RARB: variants seen among roughly 807,000 people sequenced by gnomAD.
RARB encodes HBV-activated protein.
In RARB, 17 loss-of-function variants were observed where a neutral mutation model predicts 51.9. The ratio of observed to expected loss-of-function variants is 0.33; its 90% CI spans 0.22 to 0.49. RARB has a LOEUF of 0.49. Ranked by LOEUF, RARB falls within the 20% of genes least tolerant of loss-of-function variation. RARB has a pLI of 0.99. For synonymous variants in RARB, 215 were observed against 195.4 expected (o/e 1.10, Z -0.84); for missense variants, 369 against 550.8 (o/e 0.67, Z 3.30).
At chr3:25,367,720 G>T (rs1351782) in intron 5 of RARB, among the ~76,000 whole-genome samples, 1 of 149,480 alleles carries the variant, frequency 6.7e-6, no homozygotes, top group African/African-American at 2.5e-5. Flanking sequence ...CAGCTACCTG[G>T]AGGGCTGGGG....
intron 5 of RARB, among the ~76,000 whole-genome samples, chr3:25,281,653 G>C (rs572978315): frequency 1.6e-4 from 25 of 152,218 alleles, no homozygotes; most frequent in Non-Finnish European, 3.4e-4. Flanking sequence ...TATTGTAGGC[G>C]TTGGGTGGTT....
intron 2 of RARB, among the ~76,000 whole-genome samples, chr3:24,880,016 TAAAC>T (rs1703128363): frequency 6.6e-6 from 1 of 152,186 alleles, no homozygotes; most frequent in African/African-American, 2.4e-5. Context: ...GTCAAAGACA[TAAAC>T]AAGATAAGGA....
chr3:25,106,473 G>GTTTTTGTTTTTGTTTTTTT lies in RARB; in HGVS notation c.-327-25683_-327-25682insGTTTTTGTTTTTTTTTTTT, dbSNP rs1559468602. On this transcript the variant is annotated intron_variant, in intron 3 of 11. Coordinates refer to the RARB transcript ENST00000383772. ...TTTGTTTTTTGTTTTTTTTTGTTTT[G>GTTTTTGTTTTTGTTTTTTT]TTTTTTTTTTGTAGAGACAGGGTTT... Among the ~76,000 whole-genome samples the GTTTTTGTTTTTGTTTTTTT allele has an allele frequency of 5.2e-4, 58 of 111,684 alleles. 1 individual carries two copies. Among genetic ancestry groups the GTTTTTGTTTTTGTTTTTTT allele is most frequent in the African/African-American group, 2.0e-3 (53 of 26,998 alleles). 73.3% of individuals were successfully genotyped at this position (111,684 alleles called of 152,430 possible). A position where few individuals can be genotyped will look rare whatever the true frequency, so the allele number is the denominator to read the frequency against.
intron 4 of RARB, among the ~76,000 whole-genome samples, chr3:25,159,077 T>C (rs1159144570): frequency 2.6e-5 from 4 of 151,896 alleles, no homozygotes; most frequent in Non-Finnish European, 4.4e-5. Context: ...GAAAATGATA[T>C]TTGATGAGAA....
chr3:25,196,262 T>A (rs1181691344), intron 5 of RARB, among the ~76,000 whole-genome samples: 1 of 151,716 alleles, frequency 6.6e-6, no homozygotes, highest in Non-Finnish European at 1.5e-5. Context: ...GATGTTCCCC[T>A]TCCTGTGTCC....
At chr3:25,265,310 C>A (rs7635517) in intron 5 of RARB, among the ~76,000 whole-genome samples, 122,426 of 152,102 alleles carry the variant, frequency 0.8, 49,361 homozygotes, top group East Asian at 0.85. Flanking sequence ...TACAATTTTT[C>A]GGTACAAGAA....
intron 2 of RARB, among the ~76,000 whole-genome samples, chr3:24,922,402 C>T (rs1695234409): frequency 1.3e-5 from 2 of 152,160 alleles, no homozygotes; most frequent in Non-Finnish European, 2.9e-5. Flanking sequence ...GTATCAAGCA[C>T]TTAGATTTTT....
chr3:24,868,033 T>G (rs1702882343), intron 2 of RARB, among the ~76,000 whole-genome samples: 1 of 152,142 alleles, frequency 6.6e-6, no homozygotes, highest in African/African-American at 2.4e-5. Flanking sequence ...ATTCCATATC[T>G]CTGGACGGCT....
chr3:24,938,653 T>C (rs1015395060), intron 2 of RARB, among the ~76,000 whole-genome samples: 3 of 152,272 alleles, frequency 2.0e-5, no homozygotes, highest in East Asian at 1.9e-4. Context: ...TGAACAACTA[T>C]CACCACTGTC....
At chr3:25,026,516 T>C (rs922553966) in intron 2 of RARB, among the ~76,000 whole-genome samples, 20 of 152,176 alleles carry the variant, frequency 1.3e-4, no homozygotes, top group Non-Finnish European at 7.3e-5. Context: ...TCTTTGGGCA[T>C]CCAAATTTCC....
At chr3:25,483,889 GT>G (rs1486080003) in intron 2 of RARB, among the ~76,000 whole-genome samples, 5 of 152,108 alleles carry the variant, frequency 3.3e-5, no homozygotes, top group Admixed American at 3.3e-4. Context: ...GCTAATTATC[GT>G]TCTCAAGTGC....
intron 2 of RARB, among the ~76,000 whole-genome samples, chr3:24,948,160 G>C (rs1203102047): frequency 6.6e-6 from 1 of 152,176 alleles, no homozygotes; most frequent in Non-Finnish European, 1.5e-5. Flanking sequence ...GGGTCTTTGA[G>C]TAGGAAGCAC....
chr3:25,317,807 T>C, intron 5 of RARB, among the ~76,000 whole-genome samples: 1 of 152,214 alleles, frequency 6.6e-6, no homozygotes, highest in East Asian at 1.9e-4. Context: ...CTTAAGGCTA[T>C]TTTGAAATGC....
chr3:24,881,953 T>C (rs996768473), intron 2 of RARB, among the ~76,000 whole-genome samples: 1 of 152,088 alleles, frequency 6.6e-6, no homozygotes, highest in Non-Finnish European at 1.5e-5. Flanking sequence ...GGGAAAACAG[T>C]TTTATGAAAA....
chr3:25,086,294 G>A (rs4858701), intron 3 of RARB, among the ~76,000 whole-genome samples: 112,643 of 152,088 alleles, frequency 0.74, 42,183 homozygotes, highest in East Asian at 0.84. Context: ...TAAGGAAAGC[G>A]ATAGTGGGCA....
intron 5 of RARB, among the ~76,000 whole-genome samples, chr3:25,265,488 T>C (rs537164499): frequency 5.6e-4 from 85 of 152,266 alleles, no homozygotes; most frequent in South Asian, 8.3e-4. Flanking sequence ...TTGTCATTGT[T>C]TTGAGACAGA....
intron 5 of RARB, among the ~76,000 whole-genome samples, chr3:25,215,504 C>A (rs969823550): frequency 6.6e-6 from 1 of 152,070 alleles, no homozygotes; most frequent in Admixed American, 6.6e-5. Context: ...AGCACTCTGG[C>A]GGGGTCATCT....
At chr3:25,238,230 T>A in intron 5 of RARB, among the ~76,000 whole-genome samples, 1 of 152,130 alleles carries the variant, frequency 6.6e-6, no homozygotes, top group East Asian at 1.9e-4. Flanking sequence ...TTTTAGTTCC[T>A]ACATATGAAT....
At chr3:25,174,159 G>T in exon 5 of RARB, 1 of 231,090 alleles carries the variant, frequency 4.3e-6, no homozygotes. Flanking sequence ...GTGTCTCACT[G>T]GTCTTAAACT....
Sources: gnomAD v4.1 joint callset for allele counts (sites outside exome capture counted in the v4.1 genomes callset) on GRCh38, gnomAD v4.1.1 for gene constraint, MANE v1.5 for transcripts, NCBI Gene and HGNC (gene_info 2026-07-23, HGNC 2026-07-21) for gene names.